Variants in CCAR1 observed in about 807,000 individuals in gnomAD.
The protein encoded by CCAR1 is cell division cycle and apoptosis regulator 1.
In CCAR1, 78 loss-of-function variants were observed where a neutral mutation model predicts 163.8. The observed-to-expected ratio is 0.48, with a 90% confidence interval of 0.40 to 0.57. The LOEUF is 0.57. CCAR1 is among the 20% of genes least tolerant of loss of function. CCAR1 has a pLI of 0.00. For synonymous variants in CCAR1, 443 were observed against 460.7 expected (o/e 0.96, Z 0.49); for missense variants, 1,019 against 1,365.2 (o/e 0.75, Z 4.00).
chr10:68,788,078 A>AGCCAAAAAAAAATGATGAGT, intron 22 of CCAR1, 31 bp downstream of exon 22: 1 of 1,552,946 alleles, frequency 6.4e-7, no homozygotes, highest in Admixed American at 2.1e-5. Context: ...TTGCTTTTTA[A>AGCCAAAAAAAAATGATGAGT]TAAATATACT....
In CCAR1 at chr10:68,756,100, A is replaced by C. The variant is rs1013422383; in HGVS notation, c.1626-173A>C. Among the ~76,000 whole-genome samples the C allele has an allele frequency of 2.6e-5, 4 of 152,190 alleles. No individual in the cohort carries two copies. The highest frequency in any genetic ancestry group is 5.9e-5 in the Non-Finnish European group (4 of 68,044). On this transcript the variant is annotated intron_variant, in intron 13 of 24. Transcript: ENST00000265872. This position sits in a 1 kb window ranked among gnomAD's most constrained non-coding sequence, Gnocchi z 5.1. ...ACATATTCTTCCTTTAACTTATTAA[A>C]TATTGTACAAATGTACCAAAAGAGG...
chr10:68,724,532 C>T (rs2055913277), intron 2 of CCAR1, among the ~76,000 whole-genome samples: 1 of 152,204 alleles, frequency 6.6e-6, no homozygotes, highest in South Asian at 2.1e-4. Flanking sequence ...TCACGCGATC[C>T]TCCCATCTTG....
intron 8 of CCAR1, 26 bp downstream of exon 8, chr10:68,747,592 A>T: frequency 6.3e-7 from 1 of 1,590,032 alleles, no homozygotes; most frequent in Non-Finnish European, 8.6e-7. Context: ...TTTCAGGCAA[A>T]TGTATAACTT....
chr10:68,752,177 C>T (rs773307633), intron 10 of CCAR1, among the ~76,000 whole-genome samples: 1 of 152,050 alleles, frequency 6.6e-6, no homozygotes, highest in African/African-American at 2.4e-5. Context: ...CTCGGCCTCC[C>T]AAAGTGCTGG....
rs550103245 is a variant in CCAR1 at position 68,763,213 on chromosome 10, C to T, written c.2106+2021C>T. ...GTTGCCAGGTTGGAGTGCAGTGGTG[C>T]GATCTCGGCTCACTGCAGCCTCTGC... is the stretch of plus-strand genomic sequence containing the variant. On this transcript the variant is annotated intron_variant, in intron 16 of 24. Coordinates refer to ENST00000265872, the MANE Select transcript of CCAR1 (RefSeq NM_018237.4). Among the ~76,000 whole-genome samples the T allele has an allele frequency of 2.0e-5, 3 of 151,886 alleles. No homozygotes were observed. In the East Asian group the frequency reaches 5.8e-4, roughly 29 times the overall value.
At chr10:68,786,033 C>T in intron 19 of CCAR1, 103 bp from the exon 20 acceptor site, 2 of 731,648 alleles carry the variant, frequency 2.7e-6, no homozygotes, top group Non-Finnish European at 4.8e-6. Context: ...CCCTCGAACG[C>T]CTGGCCCTCC....
chr10:68,745,621 G>A (rs1017544381), intron 6 of CCAR1, among the ~76,000 whole-genome samples: 6 of 151,680 alleles, frequency 4.0e-5, no homozygotes, highest in South Asian at 2.1e-4. Context: ...CTACCACCAC[G>A]CCTGGCTAAT....
chr10:68,736,364 C>G (rs951728599), intron 2 of CCAR1, among the ~76,000 whole-genome samples: 2 of 152,032 alleles, frequency 1.3e-5, no homozygotes, highest in African/African-American at 4.8e-5. Flanking sequence ...ACTTAAAAGT[C>G]TGCTCTCTTC....
At chr10:68,738,286 G>T (rs1245859808) in intron 4 of CCAR1, among the ~76,000 whole-genome samples, 1 of 152,028 alleles carries the variant, frequency 6.6e-6, no homozygotes, top group Non-Finnish European at 1.5e-5. Context: ...TGGTGGCGCA[G>T]GCCTGTAATC....
intron 19 of CCAR1, among the ~76,000 whole-genome samples, chr10:68,773,833 C>A (rs1322714107): frequency 1.3e-5 from 2 of 152,006 alleles, no homozygotes; most frequent in African/African-American, 2.4e-5. Context: ...TCACCTCAGT[C>A]CCTGGAGTAA....
At chr10:68,780,597 C>T (rs908391196) in intron 19 of CCAR1, among the ~76,000 whole-genome samples, 1 of 152,144 alleles carries the variant, frequency 6.6e-6, no homozygotes, top group Non-Finnish European at 1.5e-5. Flanking sequence ...TTTTTTTGCA[C>T]TGCACTTTAT....
At chr10:68,728,000 C>A (rs2055973325) in intron 2 of CCAR1, among the ~76,000 whole-genome samples, 1 of 152,018 alleles carries the variant, frequency 6.6e-6, no homozygotes. Context: ...CCATACCCGG[C>A]TAATTTTTGT....
At chr10:68,744,318 A>G (rs1393570323) in intron 6 of CCAR1, among the ~76,000 whole-genome samples, 1 of 152,196 alleles carries the variant, frequency 6.6e-6, no homozygotes, top group Non-Finnish European at 1.5e-5. Context: ...CTAATGACGT[A>G]GCATAGATTT....
chr10:68,751,027 GT>G (rs1386616891), intron 10 of CCAR1, among the ~76,000 whole-genome samples: 1 of 146,522 alleles, frequency 6.8e-6, no homozygotes. Context: ...TTTTTTTTTT[GT>G]TTTTGTTTTT....
intron 5 of CCAR1, among the ~76,000 whole-genome samples, chr10:68,740,883 T>TTTTTTTTATTTA (rs1554819357): frequency 4.8e-5 from 7 of 144,820 alleles, no homozygotes; most frequent in Non-Finnish European, 1.1e-4. Context: ...TGAGGTTTTA[T>TTTTTTTTATTTA]TTTATTTATT....
chr10:68,751,033 GTTT>G (rs11402292), intron 10 of CCAR1, among the ~76,000 whole-genome samples: 12 of 141,582 alleles, frequency 8.5e-5, no homozygotes, highest in African/African-American at 3.1e-4. Context: ...TTTTGTTTTT[GTTT>G]TTTTTTTTGA....
chr10:68,728,900 C>T (rs963931547), intron 2 of CCAR1, among the ~76,000 whole-genome samples: 8 of 150,824 alleles, frequency 5.3e-5, no homozygotes, highest in Non-Finnish European at 1.0e-4. Flanking sequence ...TGCAGTGAGC[C>T]GAGATCGTGC....
intron 6 of CCAR1, among the ~76,000 whole-genome samples, chr10:68,744,968 G>A (rs1332835641): frequency 2.0e-5 from 3 of 151,694 alleles, no homozygotes; most frequent in East Asian, 3.9e-4. Context: ...GCCATCAGGC[G>A]TGTACCACCA....
chr10:68,743,159 G>A (rs2056204877), intron 6 of CCAR1, among the ~76,000 whole-genome samples: 1 of 151,174 alleles, frequency 6.6e-6, no homozygotes, highest in Non-Finnish European at 1.5e-5. Context: ...GTCTTGATAG[G>A]ATAATCATTC....
Sources: allele counts gnomAD v4.1 joint callset (sites outside exome capture counted in the v4.1 genomes callset), GRCh38; gene constraint gnomAD v4.1.1; non-coding constraint Gnocchi (gnomAD v3.1); transcripts MANE v1.5; gene names NCBI Gene and HGNC (gene_info 2026-07-23, HGNC 2026-07-21).